OSBPL10: variants seen among roughly 807,000 people sequenced by gnomAD.
The protein encoded by OSBPL10 is oxysterol-binding protein-related protein 10.
A neutral mutation model predicts 81.7 loss-of-function variants in OSBPL10; 49 were observed. The ratio of observed to expected loss-of-function variants is 0.60; its 90% CI spans 0.48 to 0.76. The LOEUF (loss-of-function observed/expected upper bound fraction) is 0.76, where lower values mean the gene tolerates loss of function less well. Ranked by LOEUF, OSBPL10 falls within the 30% of genes least tolerant of loss-of-function variation. OSBPL10 has a pLI of 0.00. For missense variants in OSBPL10, 923 were observed against 987.8 expected (o/e 0.93, Z 0.88); for synonymous variants, 419 against 383.6 (o/e 1.09, Z -1.08).
At chr3:31,837,087 CCCCT>C (rs1700372924) in intron 3 of OSBPL10, among the ~76,000 whole-genome samples, 1 of 152,002 alleles carries the variant, frequency 6.6e-6, no homozygotes, top group African/African-American at 2.4e-5. Context: ...AGAGATTCAG[CCCCT>C]TCAGCTGGGC....
At chr3:31,867,839 T>G (rs894997343) in intron 3 of OSBPL10, among the ~76,000 whole-genome samples, 1 of 152,012 alleles carries the variant, frequency 6.6e-6, no homozygotes, top group Non-Finnish European at 1.5e-5. Context: ...GAAGGGCAAG[T>G]AGCTGACTGG....
intron 4 of OSBPL10, among the ~76,000 whole-genome samples, chr3:31,812,746 G>T (rs868313104): frequency 4.9e-5 from 1 of 20,464 alleles, no homozygotes; most frequent in African/African-American, 2.3e-4. Flanking sequence ...AAGAAAGAAA[G>T]AAAGAAAGAA....
intron 2 of OSBPL10, among the ~76,000 whole-genome samples, chr3:32,041,621 GTTTC>G (rs891278030): frequency 3.7e-5 from 5 of 136,862 alleles, no homozygotes; most frequent in Non-Finnish European, 4.9e-5. Flanking sequence ...ATACCACTGA[GTTTC>G]TTTCTTTCTT....
At chr3:31,680,838 C>T (rs951596205) in intron 8 of OSBPL10, among the ~76,000 whole-genome samples, 1 of 152,156 alleles carries the variant, frequency 6.6e-6, no homozygotes, top group Non-Finnish European at 1.5e-5. Context: ...GGTAACAACT[C>T]CTCTTTAAGA....
At chr3:32,046,155 G>A (rs1488652158) in intron 2 of OSBPL10, among the ~76,000 whole-genome samples, 1 of 152,234 alleles carries the variant, frequency 6.6e-6, no homozygotes, top group Non-Finnish European at 1.5e-5. Context: ...CAAGGAGGGA[G>A]GATCAGGAGT....
At position 31,661,937 on chromosome 3, in the gene OSBPL10, A is replaced by C; in HGVS notation, c.*135T>G. The C allele has an allele frequency of 1.5e-6, 2 of 1,310,868 alleles. No homozygotes were observed. 81.2% of individuals were successfully genotyped at this position (1,310,868 alleles called of 1,614,324 possible). A position where few individuals can be genotyped will look rare whatever the true frequency, so the allele number is the denominator to read the frequency against. The stretch of plus-strand genomic sequence containing the variant: ...TGGGGGTGCACTTTTCATAGTATAT[A>C]ATTTCTCTCTCTCTCATCATTTCTT... On this transcript the variant is annotated 3_prime_UTR_variant, in exon 12 of 12. Coordinates refer to ENST00000396556, the MANE Select transcript of OSBPL10 (RefSeq NM_017784.5).
chr3:31,683,599 G>GT (rs1226507015), intron 8 of OSBPL10, 35 bp downstream of exon 8: 1 of 1,592,498 alleles, frequency 6.3e-7, no homozygotes, highest in Non-Finnish European at 8.6e-7. Context: ...ACGTCACTGT[G>GT]TAAGAGCCAA....
At chr3:31,890,911 C>T (rs1418314295) in intron 1 of OSBPL10, among the ~76,000 whole-genome samples, 1 of 152,078 alleles carries the variant, frequency 6.6e-6, no homozygotes, top group African/African-American at 2.4e-5. Context: ...CTATAACACA[C>T]CCATCCTGAA....
At chr3:31,678,087 C>CAAAAAAAAAAAAAAA (rs1174037204) in intron 8 of OSBPL10, among the ~76,000 whole-genome samples, 1 of 76,660 alleles carries the variant, frequency 1.3e-5, no homozygotes, top group African/African-American at 5.5e-5. Context: ...GACTCCGTCT[C>CAAAAAAAAAAAAAAA]AAAAAAAAAA....
intron 3 of OSBPL10, among the ~76,000 whole-genome samples, chr3:31,837,318 AAATTATATATATATATATAT>A (rs1243000405): frequency 1.7e-4 from 17 of 97,558 alleles, no homozygotes; most frequent in Middle Eastern, 8.8e-3. Context: ...ACAGATCCCC[AAATTATATATATATATATAT>A]ATATATATAT....
At chr3:31,686,551 G>A (rs1700797330) in intron 7 of OSBPL10, among the ~76,000 whole-genome samples, 1 of 152,164 alleles carries the variant, frequency 6.6e-6, no homozygotes, top group Admixed American at 6.5e-5. Flanking sequence ...ACAGAACTGA[G>A]TGATTTTAAC....
chr3:31,700,020 T>C (rs1377225490), intron 7 of OSBPL10, among the ~76,000 whole-genome samples: 2 of 152,220 alleles, frequency 1.3e-5, no homozygotes, highest in Non-Finnish European at 2.9e-5. Flanking sequence ...TCAACCTTTT[T>C]ATAATACAGG....
chr3:31,810,683 C>T (rs763988370), intron 4 of OSBPL10, among the ~76,000 whole-genome samples: 2 of 152,078 alleles, frequency 1.3e-5, no homozygotes, highest in Non-Finnish European at 1.5e-5. Context: ...TCTATAAATA[C>T]GAAGTGATGC....
intron 2 of OSBPL10, among the ~76,000 whole-genome samples, chr3:32,001,442 T>C (rs1204967723): frequency 6.6e-6 from 1 of 152,190 alleles, no homozygotes; most frequent in African/African-American, 2.4e-5. Context: ...TTGCTCTCAT[T>C]GTGTTAAATT....
intron 4 of OSBPL10, among the ~76,000 whole-genome samples, chr3:31,767,215 T>A (rs1698227552): frequency 2.0e-5 from 3 of 152,192 alleles, no homozygotes; most frequent in Admixed American, 2.0e-4. Flanking sequence ...CTCTTGTGTT[T>A]TGCTCATGCA....
At chr3:32,052,223 A>G (rs1050729034) in intron 1 of OSBPL10, among the ~76,000 whole-genome samples, 1 of 151,536 alleles carries the variant, frequency 6.6e-6, no homozygotes, top group Non-Finnish European at 1.5e-5. Context: ...CTCCAACCTG[A>G]GTGACAGAAT....
intron 1 of OSBPL10, among the ~76,000 whole-genome samples, chr3:31,962,316 T>C (rs1698191378): frequency 6.6e-6 from 1 of 152,172 alleles, no homozygotes; most frequent in Non-Finnish European, 1.5e-5. Context: ...ATAACAACTA[T>C]AATTCTGTTG....
intron 2 of OSBPL10, among the ~76,000 whole-genome samples, chr3:32,026,035 G>GATAA (rs1699404104): frequency 8.1e-6 from 1 of 123,012 alleles, no homozygotes. Context: ...TAGATAGATA[G>GATAA]ATAGATAGAT....
chr3:31,906,691 C>T (rs911047799), intron 1 of OSBPL10, among the ~76,000 whole-genome samples: 8 of 152,216 alleles, frequency 5.3e-5, no homozygotes, highest in African/African-American at 1.4e-4. Context: ...CCCACACTGG[C>T]TACTCCTCTC....
Sources: gnomAD v4.1 joint callset for allele counts (sites outside exome capture counted in the v4.1 genomes callset) on GRCh38, gnomAD v4.1.1 for gene constraint, MANE v1.5 for transcripts, NCBI Gene and HGNC (gene_info 2026-07-23, HGNC 2026-07-21) for gene names.